TTN: variants seen among roughly 807,000 people sequenced by gnomAD.
TTN encodes connectin.
In TTN, 1,525 loss-of-function variants were observed where a neutral mutation model predicts 3,223.0. That is an observed-to-expected ratio of 0.47 (90% CI 0.45 to 0.49). The LOEUF (loss-of-function observed/expected upper bound fraction) is 0.49. Ranked by LOEUF, TTN falls within the 20% of genes least tolerant of loss-of-function variation. The pLI is 0.00. For missense variants in TTN, 40,786 were observed against 43,424.0 expected, an observed-to-expected ratio of 0.94 and a Z score of 5.40; for synonymous variants, 14,094 against 15,161.0, an observed-to-expected ratio of 0.93 and a Z score of 5.17.
In TTN at chr2:178,540,363, T is replaced by C. The variant is rs1693801391; in HGVS notation, c.97803A>G (p.Pro32601=). ...PIVAMDPIAP[P]GKPQNPRVTD... is the part of the protein sequence containing the mutation. ...TAACTCTTGGGTTTTGTGGCTTTCC[T>C]GGAGGAGCTGAGAATAAGAATAAGA... The change falls in exon 351 of 363, where the codon CCA becomes CCG. Residue 32601 remains proline, a synonymous_variant. Coordinates refer to ENST00000589042, the MANE Select transcript of TTN (RefSeq NM_001267550.2). 1.2e-6 allele frequency: 2 copies of C among 1,611,072 alleles called. No homozygotes were observed. Among genetic ancestry groups the C allele is most frequent in the Non-Finnish European group, 1.7e-6 (2 of 1,178,254 alleles).
intron 152 of TTN, among the ~76,000 whole-genome samples, chr2:178,673,295 A>G (rs969487223): frequency 1.3e-5 from 2 of 151,858 alleles, no homozygotes; most frequent in African/African-American, 4.8e-5. Context: ...AATAATTATT[A>G]TAACACAGAA....
In TTN at chr2:178,531,249, C is replaced by G; in HGVS notation, c.105366G>C (p.Lys35122Asn). 1.2e-6 allele frequency: 2 copies of G among 1,613,984 alleles called. No homozygotes were observed. Among genetic ancestry groups the G allele is most frequent in the Non-Finnish European group, 1.7e-6 (2 of 1,179,868 alleles). Reference protein sequence around the residue: ...KSLEEKSTTRKIKTTLAARIL... With the variant: ...KSLEEKSTTRNIKTTLAARIL... ...TTCTTGCTGCCAAAGTCGTCTTGAT[C>G]TTTCTGGTTGTGGATTTTTCTTCCA... is the stretch of plus-strand genomic sequence containing the variant. Residue 35122 changes from lysine (K) to asparagine (N), a missense_variant, in exon 358 of 363, where the codon AAG (lysine) becomes AAC (asparagine). By Grantham distance (94) the Lys-to-Asn change is moderately conservative. Coordinates refer to ENST00000589042, the MANE Select transcript of TTN (RefSeq NM_001267550.2).
In TTN at chr2:178,770,489, T is replaced by A. The variant is rs747393998; in HGVS notation, c.8303A>T (p.Asn2768Ile). 1 of 1,614,116 alleles carries A rather than the reference T, an allele frequency of 6.2e-7. No homozygotes were observed. Among genetic ancestry groups the A allele is most frequent in the Non-Finnish European group, 8.5e-7 (1 of 1,180,012 alleles). Residue 2768 changes from asparagine to isoleucine, a missense_variant, in exon 35 of 363, where the codon AAC (asparagine) becomes ATC (isoleucine). Asn to Ile is a moderately radical substitution (Grantham distance 149). Coordinates refer to ENST00000589042, the MANE Select transcript of TTN (RefSeq NM_001267550.2). ...AACAGACTCATCCACGATGGCACAG[T>A]TTTTAATCCTCAGAGAGTAAATTGT... ...KGTIYSLRIK[N>I]CAIVDESVYG...
At chr2:178,541,261 A>G (rs1329795710) in intron 350 of TTN, 21 bp downstream of exon 350, 1 of 1,459,478 alleles carries the variant, frequency 6.9e-7, no homozygotes, top group South Asian at 1.5e-5. Context: ...AATCAATTTG[A>G]CTGATACAAA....
At position 178,641,246 on chromosome 2, in the gene TTN, G is replaced by C; in HGVS notation, c.40628C>G (p.Pro13543Arg). The change falls in exon 220 of 363, where the codon CCT becomes CGT. Residue 13543 changes from proline (P) to arginine (R), a missense_variant. Coordinates refer to ENST00000589042, the MANE Select transcript of TTN (RefSeq NM_001267550.2). ...EPKKLEKVKK[P>R]AVPEPPPPKP... ...ATTGTCACTGAGATTCCTACCTGCA[G>C]GTTTTTTAACTTTTTCTAGTTTTTT... 1 of 1,506,032 alleles carries C rather than the reference G, an allele frequency of 6.6e-7. No individual in the cohort carries two copies. Among genetic ancestry groups the C allele is most frequent in the Non-Finnish European group, 8.9e-7 (1 of 1,126,376 alleles). 93.3% of individuals were successfully genotyped at this position (1,506,032 alleles called of 1,614,324 possible).
chr2:178,639,862 CT>C, intron 222 of TTN, 74 bp from the exon 223 acceptor site: 1 of 1,465,788 alleles, frequency 6.8e-7, no homozygotes, highest in Non-Finnish European at 9.2e-7. Flanking sequence ...GCTTATTTGC[CT>C]CTTCTGATAT....
rs769775253 is a variant in TTN, at chr2:178,736,000, A to AGAT, written c.14443_14445dup (p.Ile4815dup). On this transcript the variant is annotated inframe_insertion, in exon 50 of 363. Coordinates refer to ENST00000589042, the MANE Select transcript of TTN (RefSeq NM_001267550.2). Reference sequence around the variant, plus strand: ...ATCACAGGAGTCCCTGTCACTGTGCAGATGAACTTGGCTGCCTTACCCACA... The same window carrying AGAT: ...ATCACAGGAGTCCCTGTCACTGTGCAGATGATGAACTTGGCTGCCTTACCCACA... 1.2e-6 allele frequency: 2 copies of AGAT among 1,613,478 alleles called. No homozygotes were observed.
chr2:178,745,400 C>T (rs1298048951), intron 47 of TTN: 26 of 1,428,848 alleles, frequency 1.8e-5, no homozygotes, highest in Non-Finnish European at 2.3e-5. Context: ...GTTCAGATAA[C>T]AAAATATTTA....
intron 113 of TTN, among the ~76,000 whole-genome samples, chr2:178,696,739 A>G (rs1250576054): frequency 6.6e-6 from 1 of 152,150 alleles, no homozygotes; most frequent in Non-Finnish European, 1.5e-5. Flanking sequence ...CATAAAAACA[A>G]CATTTAAAAT....
In TTN at chr2:178,576,382, A is replaced by G. The variant is rs747698211; in HGVS notation, c.69750T>C (p.Thr23250=). Residue 23250 remains threonine (T), a synonymous_variant, in exon 326 of 363, where the codon ACT becomes ACC. Coordinates refer to ENST00000589042, the MANE Select transcript of TTN (RefSeq NM_001267550.2). The surrounding 1 kb of genome is among the most constrained non-coding windows in gnomAD (Gnocchi z 4.3). ...PPGPPSNPHV[T]DTTKKSASLA... is the part of the protein sequence containing the mutation. Reference sequence around the variant, plus strand: ...AAGAAGCAGATTTCTTGGTAGTATCAGTGACATGCGGATTTGAAGGTGGTC... The same window carrying G: ...AAGAAGCAGATTTCTTGGTAGTATCGGTGACATGCGGATTTGAAGGTGGTC... The G allele has an allele frequency of 6.4e-7, 1 of 1,562,388 alleles. No individual in the cohort carries two copies. The highest frequency in any genetic ancestry group is 8.6e-7 in the Non-Finnish European group (1 of 1,161,608).
chr2:178,587,487 T>A, intron 306 of TTN, 29 bp downstream of exon 306: 1 of 1,603,404 alleles, frequency 6.2e-7, no homozygotes, highest in Middle Eastern at 1.7e-4. Context: ...ATTTTTGAAG[T>A]GGGAGGGAGA....
In TTN at chr2:178,576,772, C is replaced by G. The variant is rs781570281; in HGVS notation, c.69472G>C (p.Val23158Leu). The change falls in exon 325 of 363, where the codon GTC (valine) becomes CTC (leucine). Residue 23158 changes from valine (V) to leucine (L), a missense_variant. By Grantham distance (32) the Val-to-Leu change is conservative (BLOSUM62 1). Transcript: ENST00000589042. This position sits in a 1 kb window ranked among gnomAD's most constrained non-coding sequence, Gnocchi z 4.3. ...TCATCCACTGGCCTTTTCCAGCTGA[C>G]AGTGGCAGTGTTCTTAGTGACATTT... ...VSNVTKNTAT[V>L]SWKRPVDDGG... is the part of the protein sequence containing the mutation. 1.2e-6 allele frequency: 2 copies of G among 1,613,428 alleles called. No homozygotes were observed.
At chr2:178,745,889 A>C (rs780451913) in intron 47 of TTN, 1 of 1,612,266 alleles carries the variant, frequency 6.2e-7, no homozygotes, top group Non-Finnish European at 8.5e-7. Flanking sequence ...AAATTCAAAA[A>C]AACTGTCTGT....
In TTN at chr2:178,544,100, T is replaced by C; in HGVS notation, c.96044A>G (p.Glu32015Gly). ...AGTCTTCTTTAGATCATCTGCAAGC[T>C]CAAGATCTGGTATTTCTGGAAAGTT... is the stretch of plus-strand genomic sequence containing the variant. ...PVERIEIPDLELADDLKKTVT... is the reference protein window; with the variant it reads ...PVERIEIPDLGLADDLKKTVT... Residue 32015 changes from glutamate to glycine, a missense_variant, in exon 346 of 363, where the codon GAG becomes GGG. Transcript: ENST00000589042. 1 of 1,607,412 alleles carries C rather than the reference T, an allele frequency of 6.2e-7. No individual in the cohort carries two copies. Among genetic ancestry groups the C allele is most frequent in the Non-Finnish European group, 8.5e-7 (1 of 1,175,370 alleles).
intron 147 of TTN, 116 bp from the exon 148 acceptor site, chr2:178,676,111 T>C: frequency 1.1e-6 from 1 of 898,220 alleles, no homozygotes; most frequent in Non-Finnish European, 1.7e-6. Flanking sequence ...GACAGGTCTG[T>C]CATGTTAGTT....
At position 178,541,699 on chromosome 2, in the gene TTN, C is replaced by T. The variant is rs985134112; in HGVS notation, c.97493-115G>A. 9 of 759,704 alleles carry T rather than the reference C, an allele frequency of 1.2e-5. No individual in the cohort carries two copies. The African/African-American group carries it at 1.6e-4, about 14-fold the overall frequency. 47.1% of individuals were successfully genotyped at this position (759,704 alleles called of 1,614,324 possible). On this transcript the variant is annotated intron_variant, in intron 349 of 362. Transcript: ENST00000589042. ...GGTATTTTAAAAGGTACATAAGGCA[C>T]ATGACTATTTTTCCAATAGTTTCAC...
At position 178,567,836 on chromosome 2, in the gene TTN, A is replaced by C. The variant is rs1346797877; in HGVS notation, c.78296T>G (p.Met26099Arg). 3 of 1,613,490 alleles carry C rather than the reference A, an allele frequency of 1.9e-6. No individual in the cohort carries two copies. The highest frequency in any genetic ancestry group is 2.5e-6 in the Non-Finnish European group (3 of 1,179,596). ...CDPPGTPEPI[M>R]VKRNEITLQW... ...TAAAGTGATTTCATTTCTTTTAACC[A>C]TTATTGGTTCTGGGGTTCCTGGTGG... Residue 26099 changes from methionine (M) to arginine (R), a missense_variant, in exon 326 of 363, where the codon ATG (methionine) becomes AGG (arginine). Met to Arg is a moderately conservative substitution (Grantham distance 91). Transcript: ENST00000589042.
intron 47 of TTN, chr2:178,749,423 C>A (rs1202244861): frequency 4.3e-6 from 7 of 1,612,902 alleles, no homozygotes; most frequent in Non-Finnish European, 5.9e-6. Flanking sequence ...AGAAGGTATG[C>A]AACGCACCTG....
chr2:178,754,971 C>A, intron 46 of TTN, among the ~76,000 whole-genome samples: 1 of 152,116 alleles, frequency 6.6e-6, no homozygotes, highest in East Asian at 1.9e-4. Context: ...TGGCTGTGCA[C>A]CTACATAGCA....
Sources: gnomAD v4.1 joint callset for allele counts (sites outside exome capture counted in the v4.1 genomes callset) on GRCh38, gnomAD v4.1.1 for gene constraint, Gnocchi (gnomAD v3.1) non-coding constraint, MANE v1.5 for transcripts, NCBI Gene and HGNC (gene_info 2026-07-23, HGNC 2026-07-21) for gene names.